The following SUGCT variants were observed in gnomAD, a reference collection of about 807,000 sequenced individuals.
SUGCT encodes the protein succinyl-CoA:glutarate-CoA transferase.
SUGCT carries 41 observed loss-of-function variants against 55.0 expected under a neutral mutation model. The ratio of observed to expected loss-of-function variants is 0.74; its 90% CI spans 0.58 to 0.97. SUGCT has a LOEUF of 0.97. SUGCT is among the 50% of genes least tolerant of loss of function. SUGCT has a pLI of 0.00. For synonymous variants in SUGCT, 187 were observed against 200.4 expected (o/e 0.93, Z 0.56); for missense variants, 568 against 547.8 (o/e 1.04, Z -0.37).
the SUGCT span, among the ~76,000 whole-genome samples, chr7:40,973,053 A>G: frequency 6.6e-6 from 1 of 152,142 alleles, no homozygotes; most frequent in African/African-American, 2.4e-5. Context: ...CAGGGAGGGT[A>G]TTTTAGCAGA....
chr7:40,216,716 A>G (rs1367199543), intron 6 of SUGCT, among the ~76,000 whole-genome samples: 1 of 151,704 alleles, frequency 6.6e-6, no homozygotes, highest in East Asian at 1.9e-4. Flanking sequence ...GCCAGGTGTG[A>G]TGGTGCATGC....
intron 7 of SUGCT, among the ~76,000 whole-genome samples, chr7:40,266,033 G>T (rs1245571783): frequency 6.6e-6 from 1 of 151,786 alleles, no homozygotes; most frequent in African/African-American, 2.4e-5. Context: ...TTCATCTCTA[G>T]ATTGCATAAT....
intron 9 of SUGCT, among the ~76,000 whole-genome samples, chr7:40,364,941 C>T (rs1329119763): frequency 6.6e-5 from 10 of 152,052 alleles, no homozygotes; most frequent in African/African-American, 1.7e-4. Flanking sequence ...ATACCAAAGC[C>T]GGGCAGAGAC....
intron 8 of SUGCT, among the ~76,000 whole-genome samples, chr7:40,301,553 C>G (rs1193644899): frequency 6.6e-6 from 1 of 152,212 alleles, no homozygotes; most frequent in Non-Finnish European, 1.5e-5. Context: ...TTCCCTGGAA[C>G]TCCCATGAGA....
At chr7:40,698,089 T>C (rs1785013615) in intron 12 of SUGCT, among the ~76,000 whole-genome samples, 2 of 152,214 alleles carry the variant, frequency 1.3e-5, no homozygotes, top group South Asian at 4.1e-4. Context: ...AGATGGGCAC[T>C]GCAGGCAAAG....
At chr7:40,925,114 C>A in the SUGCT span, among the ~76,000 whole-genome samples, 1 of 152,176 alleles carries the variant, frequency 6.6e-6, no homozygotes, top group Non-Finnish European at 1.5e-5. Flanking sequence ...GCTTGCAGAG[C>A]TTAATTAATG....
In SUGCT at chr7:40,570,850, CTTTTTTTTTTT is replaced by C. The variant is rs776733346; in HGVS notation, c.1089+74481_1089+74491del. On this transcript the variant is annotated intron_variant, in intron 12 of 13. Transcript: ENST00000335693. ...CCCCTCTGGGCAAAAGCTTTAGGCT[CTTTTTTTTTTT>C]TTTTTTTTTTTTTTTTCAGTTGGAG... Among the ~76,000 whole-genome samples the C allele has an allele frequency of 1.0e-3, 54 of 52,304 alleles. 2 individuals are homozygous for C. In the South Asian group the frequency reaches 0.021, roughly 21 times the overall value. The allele number at this position is 52,304 out of a possible 152,430, so 34.3% of individuals were successfully genotyped here.
chr7:40,688,133 A>G (rs1784544242), intron 12 of SUGCT, among the ~76,000 whole-genome samples: 1 of 152,212 alleles, frequency 6.6e-6, no homozygotes, highest in Non-Finnish European at 1.5e-5. Flanking sequence ...AGTAATTATT[A>G]GTCCTTTGAT....
At chr7:40,363,770 T>C (rs2151229159) in intron 9 of SUGCT, among the ~76,000 whole-genome samples, 1 of 152,258 alleles carries the variant, frequency 6.6e-6, no homozygotes, top group South Asian at 2.1e-4. Context: ...GGTGTGGTGC[T>C]GAAAAAAGTG....
chr7:41,027,739 GAA>G, the SUGCT span, among the ~76,000 whole-genome samples: 1 of 152,098 alleles, frequency 6.6e-6, no homozygotes, highest in Admixed American at 6.5e-5. Context: ...AACATTAGGA[GAA>G]AATAGACATA....
At chr7:40,893,656 T>TA in the SUGCT span, among the ~76,000 whole-genome samples, 9 of 151,938 alleles carry the variant, frequency 5.9e-5, no homozygotes, top group Non-Finnish European at 1.0e-4. Context: ...ACAGAATCAG[T>TA]AAAAAAACCT....
chr7:40,547,999 A>G (rs1253664843), intron 12 of SUGCT, among the ~76,000 whole-genome samples: 1 of 152,016 alleles, frequency 6.6e-6, no homozygotes, highest in Admixed American at 6.5e-5. Context: ...TTTCCTTATC[A>G]TGTCAACTCT....
At chr7:40,968,365 G>T in the SUGCT span, among the ~76,000 whole-genome samples, 2 of 152,214 alleles carry the variant, frequency 1.3e-5, no homozygotes, top group Non-Finnish European at 2.9e-5. Flanking sequence ...CCACTGTGAG[G>T]AGGGCTGCTT....
chr7:40,881,948 G>A, the SUGCT span, among the ~76,000 whole-genome samples: 1 of 152,234 alleles, frequency 6.6e-6, no homozygotes, highest in Non-Finnish European at 1.5e-5. Flanking sequence ...GGGTCATTTG[G>A]TTTGCTAAGG....
intron 12 of SUGCT, among the ~76,000 whole-genome samples, chr7:40,531,623 G>GT (rs146320972): frequency 0.21 from 32,594 of 151,622 alleles, 6,152 homozygotes; most frequent in African/African-American, 0.51. Flanking sequence ...TGTGTTTAAA[G>GT]TTGTATTGAG....
At chr7:40,903,741 T>C in the SUGCT span, among the ~76,000 whole-genome samples, 1 of 152,138 alleles carries the variant, frequency 6.6e-6, no homozygotes, top group East Asian at 1.9e-4. Flanking sequence ...AGCAGGAAAC[T>C]GTCATTCTCT....
chr7:40,485,289 G>A lies in SUGCT; in HGVS notation c.987-10995G>A, dbSNP rs1330364479. ...ACTGCCTGTGAATTTCCTATTATTA[G>A]TAATATTTTTAATATACATCAGACA... On this transcript the variant is annotated intron_variant, in intron 11 of 13. Transcript: ENST00000335693. Among the ~76,000 whole-genome samples, 5 of 151,112 alleles carry A rather than the reference G, an allele frequency of 3.3e-5. 1 individual carries two copies. The highest frequency in any genetic ancestry group is 2.6e-4 in the Admixed American group (4 of 15,142).
In SUGCT at chr7:40,228,299, G is replaced by A. The variant is rs775310259; in HGVS notation, c.485-9336G>A. On this transcript the variant is annotated intron_variant, in intron 6 of 13. Coordinates refer to ENST00000335693, the MANE Select transcript of SUGCT (RefSeq NM_001193313.2). ...TAGTTGGTAATTTGAATTGGGATCC[G>A]AATAAAGTAATCATAGTAGTTGAGT... is the stretch of plus-strand genomic sequence containing the variant. Among the ~76,000 whole-genome samples the A allele has an allele frequency of 4.6e-5, 7 of 152,004 alleles. No homozygotes were observed. The South Asian group carries it at 6.2e-4, about 14-fold the overall frequency.
At chr7:40,780,221 G>T (rs1584430518) in intron 13 of SUGCT, among the ~76,000 whole-genome samples, 2 of 152,288 alleles carry the variant, frequency 1.3e-5, no homozygotes, top group East Asian at 1.9e-4. Context: ...TGTCCTAAAA[G>T]AAATGTGGAG....
Sources: gnomAD v4.1 joint callset for allele counts (sites outside exome capture counted in the v4.1 genomes callset) on GRCh38, gnomAD v4.1.1 for gene constraint, MANE v1.5 for transcripts, NCBI Gene and HGNC (gene_info 2026-07-23, HGNC 2026-07-21) for gene names.